Variants in CCNK observed in about 807,000 individuals in gnomAD.
CCNK encodes the protein cyclin-K.
CCNK carries 9 observed loss-of-function variants against 65.0 expected under a neutral mutation model. The observed-to-expected ratio is 0.14, with a 90% confidence interval of 0.08 to 0.24. The LOEUF is 0.24. CCNK is among the 10% of genes least tolerant of loss of function. CCNK has a pLI of 1.00. For synonymous variants in CCNK, 279 were observed against 270.8 expected, an observed-to-expected ratio of 1.03 and a Z score of -0.30; for missense variants, 474 against 720.0, an observed-to-expected ratio of 0.66 and a Z score of 3.91.
intron 4 of CCNK, among the ~76,000 whole-genome samples, chr14:99,499,788 G>A (rs1387688152): frequency 6.6e-6 from 1 of 152,220 alleles, no homozygotes; most frequent in Middle Eastern, 3.4e-3. Flanking sequence ...GGGGTGGAAA[G>A]GACTTTAAAA....
At chr14:99,482,237 C>A (rs1244115537) in intron 1 of CCNK, among the ~76,000 whole-genome samples, 1 of 152,188 alleles carries the variant, frequency 6.6e-6, no homozygotes, top group African/African-American at 2.4e-5. Flanking sequence ...GGGTGGTCTT[C>A]TGTGTTTTTA....
Position 99,511,445 on chromosome 14 carries a change from T to C in CCNK, c.*663T>C, listed in dbSNP as rs944445056. ...TTTAAGTGTGAATGTAACAACATACTGTGAATTCCATCTTGGTTACAAATG... is the reference window on the plus strand; with the variant it reads ...TTTAAGTGTGAATGTAACAACATACCGTGAATTCCATCTTGGTTACAAATG... On this transcript the variant is annotated 3_prime_UTR_variant, in exon 11 of 11. Transcript: ENST00000389879. The C allele has an allele frequency of 6.6e-6, 1 of 152,548 alleles. No individual in the cohort carries two copies. Among genetic ancestry groups the C allele is most frequent in the Non-Finnish European group, 1.5e-5 (1 of 68,034 alleles). 9.4% of individuals were successfully genotyped at this position (152,548 alleles called of 1,614,324 possible).
chr14:99,507,254 AAT>A (rs1883081124), intron 10 of CCNK, 107 bp downstream of exon 10: 1 of 773,310 alleles, frequency 1.3e-6, no homozygotes, highest in African/African-American at 1.7e-5. Flanking sequence ...CCAGATTGAC[AAT>A]GTCAGCCACA....
chr14:99,498,796 A>G (rs2139866193), intron 4 of CCNK, among the ~76,000 whole-genome samples: 2 of 152,300 alleles, frequency 1.3e-5, no homozygotes, highest in Middle Eastern at 3.4e-3. Context: ...TCCCCCGGAT[A>G]AATAGGGGCT....
rs755459069 is a variant in CCNK, at chr14:99,510,199, C to T, written c.1160C>T (p.Pro387Leu). The change falls in exon 11 of 11, where the codon CCG (proline) becomes CTG (leucine). Residue 387 changes from proline (P) to leucine (L), a missense_variant. By Grantham distance (98) the Pro-to-Leu change is moderately conservative (BLOSUM62 -3). Coordinates refer to ENST00000389879, the MANE Select transcript of CCNK (RefSeq NM_001099402.2). ...PLAAALGEAE[P>L]PGPVDATDLP... ...GCTGCTGCCTTAGGTGAGGCTGAGCCGCCGGGCCCTGTGGATGCCACTGAC... is the reference window on the plus strand; with the variant it reads ...GCTGCTGCCTTAGGTGAGGCTGAGCTGCCGGGCCCTGTGGATGCCACTGAC... 9 of 1,597,404 alleles carry T rather than the reference C, an allele frequency of 5.6e-6. No individual in the cohort carries two copies. The South Asian group carries it at 5.6e-5, about 10-fold the overall frequency.
At chr14:99,493,248 AGC>A (rs960981066) in intron 2 of CCNK, 7 of 471,052 alleles carry the variant, frequency 1.5e-5, no homozygotes, top group African/African-American at 1.4e-4. Context: ...ACTGCACTCT[AGC>A]CTGGGTGACA....
chr14:99,496,915 GA>G (rs144282507), intron 4 of CCNK, among the ~76,000 whole-genome samples: 56,437 of 111,822 alleles, frequency 0.5, 12,060 homozygotes, highest in Admixed American at 0.6. Flanking sequence ...TCCACCTCAA[GA>G]AAAAAAAAAA....
intron 1 of CCNK, among the ~76,000 whole-genome samples, chr14:99,486,992 C>T (rs999941081): frequency 1.3e-5 from 2 of 152,160 alleles, no homozygotes; most frequent in Non-Finnish European, 2.9e-5. Flanking sequence ...TTGTGCCCTG[C>T]CATGCCATTA....
chr14:99,507,068 C>A lies in CCNK; in HGVS notation c.1046-8C>A. The A allele has an allele frequency of 6.3e-7, 1 of 1,588,370 alleles. No homozygotes were observed. Among genetic ancestry groups the A allele is most frequent in the South Asian group, 1.1e-5 (1 of 90,534 alleles). The stretch of plus-strand genomic sequence containing the variant: ...TGAGTGGTTTTCTAATCTGCTTTTT[C>A]TTTGTAGAACCACCACCACCTAAAA... On this transcript the variant is annotated splice_region_variant and splice_polypyrimidine_tract_variant and intron_variant, in intron 9 of 10. Transcript: ENST00000389879.
chr14:99,495,621 G>T lies in CCNK; in HGVS notation c.403G>T (p.Asp135Tyr). 6.2e-7 allele frequency: 1 copy of T among 1,605,842 alleles called. No individual in the cohort carries two copies. The highest frequency in any genetic ancestry group is 1.1e-5 in the South Asian group (1 of 89,192). Residue 135 changes from aspartate (D) to tyrosine (Y), a missense_variant, in exon 4 of 11, where the codon GAC (aspartate) becomes TAC (tyrosine). By Grantham distance (160) the Asp-to-Tyr change is radical. Around this residue, in one of 6 missense-constraint regions of CCNK, gnomAD observed 87 missense variants for 166.2 expected, o/e 0.52. Coordinates refer to ENST00000389879, the MANE Select transcript of CCNK (RefSeq NM_001099402.2). ...TGTACAATTTGGCCAGTTTGGAGAT[G>T]ACCCAAAGGTAAGAATGATAATAAC... is the stretch of plus-strand genomic sequence containing the variant. ...NDVQFGQFGD[D>Y]PKEEVMVLER...
At position 99,507,158 on chromosome 14, in the gene CCNK, G is replaced by C. The variant is rs1896995949; in HGVS notation, c.1117+11G>C. 1 of 1,556,128 alleles carries C rather than the reference G, an allele frequency of 6.4e-7. No individual in the cohort carries two copies. Among genetic ancestry groups the C allele is most frequent in the African/African-American group, 1.4e-5 (1 of 73,662 alleles). On this transcript the variant is annotated intron_variant, in intron 10 of 10. Coordinates refer to ENST00000389879, the MANE Select transcript of CCNK (RefSeq NM_001099402.2). ...CCCACCCACCTCCAGGTAAGCATCT[G>C]CTGAAGCAGCTTGGCCAGCTGTGCA...
Position 99,487,908 on chromosome 14 carries a change from G to A in CCNK, c.-52-4718G>A, listed in dbSNP as rs1039436291. Among the ~76,000 whole-genome samples, 3 of 152,258 alleles carry A rather than the reference G, an allele frequency of 2.0e-5. No individual in the cohort carries two copies. The South Asian group carries it at 6.2e-4, about 32-fold the overall frequency. ...AAGCAAGTATTCCTTGGCTATCGAG[G>A]GATTGATGAAGATAAGGAGTCCTCC... On this transcript the variant is annotated intron_variant, in intron 1 of 10. Coordinates refer to ENST00000389879, the MANE Select transcript of CCNK (RefSeq NM_001099402.2).
At chr14:99,506,501 C>T (rs1391951185) in intron 9 of CCNK, 2 of 153,588 alleles carry the variant, frequency 1.3e-5, no homozygotes, top group Non-Finnish European at 2.9e-5. Flanking sequence ...GACTGCTGGG[C>T]TTTTGTGAGC....
In CCNK at chr14:99,507,119, A is replaced by G. The variant is rs1452854368; in HGVS notation, c.1089A>G (p.Pro363=). ...PKIPKIETTH[P]PLPPAHPPPD... Reference sequence around the variant, plus strand: ...TCCCCAAAATTGAGACCACTCATCCACCGTTGCCTCCAGCCCACCCACCTC... The same window carrying G: ...TCCCCAAAATTGAGACCACTCATCCGCCGTTGCCTCCAGCCCACCCACCTC... Residue 363 remains proline (P), a synonymous_variant, in exon 10 of 11, where the codon CCA becomes CCG. Coordinates refer to ENST00000389879, the MANE Select transcript of CCNK (RefSeq NM_001099402.2). 1.2e-6 allele frequency: 2 copies of G among 1,612,160 alleles called. No homozygotes were observed.
At chr14:99,507,000 A>C in intron 9 of CCNK, 76 bp from the exon 10 acceptor site, 3 of 887,100 alleles carry the variant, frequency 3.4e-6, no homozygotes, top group East Asian at 2.4e-5. Context: ...AATCTCTGCC[A>C]GTACATTTTT....
chr14:99,484,966 A>G (rs1250358367), intron 1 of CCNK, among the ~76,000 whole-genome samples: 2 of 152,242 alleles, frequency 1.3e-5, no homozygotes, highest in Non-Finnish European at 2.9e-5. Flanking sequence ...TGCAGAGTTC[A>G]TAAATCTCAG....
At chr14:99,496,256 T>G (rs755699798) in intron 4 of CCNK, among the ~76,000 whole-genome samples, 67 of 152,238 alleles carry the variant, frequency 4.4e-4, no homozygotes, top group Non-Finnish European at 8.5e-4. Flanking sequence ...TTCCCCTTGT[T>G]GCAACCTCAG....
chr14:99,510,557 C>T lies in CCNK; in HGVS notation c.1518C>T (p.Tyr506=). ...CCATCCCACCCCCTACTCCTGGCTA[C>T]CCCCCACCCCCACCCACCTACAACC... ...PPAIPPPTPG[Y]PPPPPTYNPN... is the part of the protein sequence containing the mutation. The change falls in exon 11 of 11, where the codon TAC becomes TAT. Residue 506 remains tyrosine (Y), a synonymous_variant. Transcript: ENST00000389879. 3 of 360,540 alleles carry T rather than the reference C, an allele frequency of 8.3e-6. No individual in the cohort carries two copies. The highest frequency in any genetic ancestry group is 1.0e-5 in the Non-Finnish European group (2 of 200,254). The allele number at this position is 360,540 out of a possible 1,614,324, so 22.3% of individuals were successfully genotyped here. A position where few individuals can be genotyped will look rare whatever the true frequency, so the allele number is the denominator to read the frequency against.
intron 4 of CCNK, among the ~76,000 whole-genome samples, chr14:99,499,693 TAGAG>T (rs1175070060): frequency 6.6e-6 from 1 of 152,162 alleles, no homozygotes; most frequent in Non-Finnish European, 1.5e-5. Context: ...AGACATTAGT[TAGAG>T]AGTATCATCA....
Sources: allele counts gnomAD v4.1 joint callset (sites outside exome capture counted in the v4.1 genomes callset), GRCh38; gene constraint gnomAD v4.1.1; regional missense constraint gnomAD v4.1.1; transcripts MANE v1.5; gene names NCBI Gene and HGNC (gene_info 2026-07-23, HGNC 2026-07-21).